The following ANKRD45 variants were observed in gnomAD, a reference collection of about 807,000 sequenced individuals.
The protein encoded by ANKRD45 is ankyrin repeat domain 45, also known as ankyrin repeat domain-containing protein 45.
ANKRD45 carries 21 observed loss-of-function variants against 28.1 expected under a neutral mutation model. The ratio of observed to expected loss-of-function variants is 0.75; its 90% confidence interval spans 0.53 to 1.08. The LOEUF (loss-of-function observed/expected upper bound fraction) is 1.08, where lower values mean the gene tolerates loss of function less well. ANKRD45 is among the 50% of genes least tolerant of loss of function. ANKRD45 has a pLI of 0.00. For missense variants in ANKRD45, 261 were observed against 308.7 expected (o/e 0.85, Z 1.16); for synonymous variants, 86 against 103.9 (o/e 0.83, Z 1.05).
intron 2 of ANKRD45, among the ~76,000 whole-genome samples, chr1:173,656,445 A>G (rs1453363764): frequency 6.6e-6 from 1 of 152,210 alleles, no homozygotes; most frequent in Non-Finnish European, 1.5e-5. Context: ...AAGTCTATGT[A>G]CCTATGAATA....
At chr1:173,623,571 G>A (rs1328912238) in intron 5 of ANKRD45, among the ~76,000 whole-genome samples, 1 of 152,044 alleles carries the variant, frequency 6.6e-6, no homozygotes, top group African/African-American at 2.4e-5. Flanking sequence ...AAGATCTAGA[G>A]ACAGAAATAC....
chr1:173,701,654 C>T, the ANKRD45 span, among the ~76,000 whole-genome samples: 1 of 152,226 alleles, frequency 6.6e-6, no homozygotes, highest in East Asian at 1.9e-4. Flanking sequence ...GTACACCACA[C>T]ACCGGGGCCT....
At chr1:173,647,729 G>C (rs185093550) in intron 2 of ANKRD45, among the ~76,000 whole-genome samples, 1 of 152,226 alleles carries the variant, frequency 6.6e-6, no homozygotes, top group Admixed American at 6.5e-5. Context: ...CTTTCTAGAG[G>C]CTTCCTGGTG....
At chr1:173,649,378 G>C (rs1331480815) in intron 2 of ANKRD45, among the ~76,000 whole-genome samples, 1 of 152,082 alleles carries the variant, frequency 6.6e-6, no homozygotes, top group African/African-American at 2.4e-5. Context: ...GTTTAATCCT[G>C]TCAAATATTT....
upstream of ANKRD45, among the ~76,000 whole-genome samples, chr1:173,671,166 G>A (rs1276808319): frequency 3.9e-5 from 6 of 151,912 alleles, no homozygotes; most frequent in Non-Finnish European, 5.9e-5. Flanking sequence ...TTATGGATTA[G>A]CCACCCCACC....
At position 173,626,241 on chromosome 1, in the gene ANKRD45, C is replaced by T. The variant is rs191772103; in HGVS notation, c.591+824G>A. 1.5e-4 allele frequency among the ~76,000 whole-genome samples: 23 copies of T among 152,240 alleles called. No homozygotes were observed. The East Asian group carries it at 4.0e-3, about 27-fold the overall frequency. On this transcript the variant is annotated intron_variant, in intron 4 of 5. Coordinates refer to ENST00000333279, the MANE Select transcript of ANKRD45 (RefSeq NM_198493.3). The stretch of plus-strand genomic sequence containing the variant: ...AAGTCACAGGAAATTCACAGAGCAT[C>T]CTGCACAAAAATAAATGAAATAATT...
chr1:173,672,845 G>A (rs1483543183), upstream of ANKRD45, among the ~76,000 whole-genome samples: 3 of 152,108 alleles, frequency 2.0e-5, no homozygotes, highest in Admixed American at 2.0e-4. Flanking sequence ...GGATTTGAAG[G>A]GGCCGAGTGC....
chr1:173,633,083 T>C (rs1668266522), intron 3 of ANKRD45, among the ~76,000 whole-genome samples: 1 of 152,008 alleles, frequency 6.6e-6, no homozygotes, highest in Non-Finnish European at 1.5e-5. Context: ...TATAATTTTA[T>C]ATTTGGAAAA....
chr1:173,663,983 G>A (rs529269075), intron 1 of ANKRD45, among the ~76,000 whole-genome samples: 1 of 152,028 alleles, frequency 6.6e-6, no homozygotes, highest in African/African-American at 2.4e-5. Flanking sequence ...TTTACTACAG[G>A]TAACATATCA....
At chr1:173,658,723 T>C (rs1669654821) in intron 2 of ANKRD45, 1 of 158,098 alleles carries the variant, frequency 6.3e-6, no homozygotes, top group Non-Finnish European at 1.4e-5. Context: ...ATTTACTATA[T>C]ATCAATTTAC....
intron 1 of ANKRD45, among the ~76,000 whole-genome samples, chr1:173,665,701 A>G (rs1669987929): frequency 6.6e-6 from 1 of 152,134 alleles, no homozygotes; most frequent in South Asian, 2.1e-4. Flanking sequence ...ATCTAAATTA[A>G]TATTTATATT....
At chr1:173,701,956 A>G in the ANKRD45 span, among the ~76,000 whole-genome samples, 1 of 152,244 alleles carries the variant, frequency 6.6e-6, no homozygotes, top group Non-Finnish European at 1.5e-5. Context: ...AAAGATAACT[A>G]GAAATTCAAC....
chr1:173,650,942 TG>T (rs1669182338), intron 2 of ANKRD45, among the ~76,000 whole-genome samples: 1 of 152,202 alleles, frequency 6.6e-6, no homozygotes, highest in Non-Finnish European at 1.5e-5. Context: ...TTGATGGGGT[TG>T]TTTTTTTCTT....
intron 2 of ANKRD45, among the ~76,000 whole-genome samples, chr1:173,647,866 C>T (rs975559452): frequency 2.6e-5 from 4 of 152,152 alleles, no homozygotes; most frequent in Admixed American, 6.5e-5. Context: ...TCACTGCAGC[C>T]TCGAACTCCT....
At chr1:173,685,076 TA>T in the ANKRD45 span, among the ~76,000 whole-genome samples, 1 of 152,220 alleles carries the variant, frequency 6.6e-6, no homozygotes, top group African/African-American at 2.4e-5. Context: ...CTCTGGTTGA[TA>T]AAATGCCAGA....
the ANKRD45 span, among the ~76,000 whole-genome samples, chr1:173,704,846 C>T: frequency 2.2e-4 from 34 of 152,196 alleles, no homozygotes; most frequent in Non-Finnish European, 4.0e-4. Flanking sequence ...CTTTTGGGAC[C>T]AATACTTGTG....
At position 173,610,509 on chromosome 1, in the gene ANKRD45, T is replaced by C. The variant is rs891724802; in HGVS notation, c.731-294A>G. ...CCTCTGTTGTCTTCACTTTCTTCAC[T>C]GCAAAGTCAGGGTTCATTTCAGAGG... On this transcript the variant is annotated intron_variant, in intron 5 of 5. Coordinates refer to ENST00000333279, the MANE Select transcript of ANKRD45 (RefSeq NM_198493.3). Among the ~76,000 whole-genome samples the C allele has an allele frequency of 2.6e-5, 4 of 152,168 alleles. No individual in the cohort carries two copies. In the East Asian group the frequency reaches 5.8e-4, roughly 22 times the overall value.
chr1:173,661,203 G>T (rs1669760784), intron 1 of ANKRD45, among the ~76,000 whole-genome samples: 1 of 152,152 alleles, frequency 6.6e-6, no homozygotes, highest in Non-Finnish European at 1.5e-5. Context: ...AGGGGTGAAG[G>T]GTAGTGGGAG....
intron 5 of ANKRD45, among the ~76,000 whole-genome samples, chr1:173,613,712 G>A (rs896188954): frequency 5.9e-5 from 9 of 151,868 alleles, no homozygotes; most frequent in African/African-American, 1.9e-4. Context: ...CTGCCCGGCC[G>A]CCCCTTCTGG....
Sources: allele counts gnomAD v4.1 joint callset (sites outside exome capture counted in the v4.1 genomes callset), GRCh38; gene constraint gnomAD v4.1.1; transcripts MANE v1.5; gene names NCBI Gene and HGNC (gene_info 2026-07-23, HGNC 2026-07-21).